BTBD9: variants seen among roughly 807,000 people sequenced by gnomAD.
BTBD9 encodes the protein BTB domain containing 9.
BTBD9 carries 49 observed loss-of-function variants against 64.3 expected under a neutral mutation model. The observed-to-expected ratio is 0.76, with a 90% confidence interval of 0.61 to 0.97. The LOEUF (loss-of-function observed/expected upper bound fraction) is 0.97. Among genes scored for constraint, BTBD9 ranks in the 50% least tolerant of loss-of-function variants. The pLI, the probability that BTBD9 is intolerant of heterozygous loss-of-function variation, is 0.00. For missense variants in BTBD9, 598 were observed against 762.1 expected, an observed-to-expected ratio of 0.78 and a Z score of 2.53; for synonymous variants, 260 against 274.7, an observed-to-expected ratio of 0.95 and a Z score of 0.53.
chr6:38,624,843 T>C (rs541073514), intron 1 of BTBD9, among the ~76,000 whole-genome samples: 1 of 152,294 alleles, frequency 6.6e-6, no homozygotes, highest in East Asian at 1.9e-4. Flanking sequence ...TTTCAAGAAT[T>C]AGTGTACCTA....
intron 6 of BTBD9, among the ~76,000 whole-genome samples, chr6:38,514,569 C>G (rs956389596): frequency 6.6e-6 from 1 of 152,150 alleles, no homozygotes; most frequent in African/African-American, 2.4e-5. Context: ...CATAAAATGT[C>G]ACTCATACCT....
chr6:38,435,451 G>T (rs1433082968), intron 6 of BTBD9, among the ~76,000 whole-genome samples: 5 of 151,450 alleles, frequency 3.3e-5, no homozygotes, highest in Non-Finnish European at 7.4e-5. Context: ...GTGAAAAAAA[G>T]AAAAAGAAAA....
chr6:38,375,338 T>C (rs1324879031), intron 6 of BTBD9, among the ~76,000 whole-genome samples: 1 of 152,202 alleles, frequency 6.6e-6, no homozygotes, highest in Non-Finnish European at 1.5e-5. Context: ...CAGCGTCAAA[T>C]ATTTACTAAG....
chr6:38,512,217 C>T lies in BTBD9; in HGVS notation c.1154+65383G>A, dbSNP rs148505808. On this transcript the variant is annotated intron_variant, in intron 6 of 10. Transcript: ENST00000481247. ...CAAACTCCCGATCTCAGGTGATCTGCCCGCCTCGGCCTCCCAAAGTGCTGA... is the reference window on the plus strand; with the variant it reads ...CAAACTCCCGATCTCAGGTGATCTGTCCGCCTCGGCCTCCCAAAGTGCTGA... 4.4e-3 allele frequency among the ~76,000 whole-genome samples: 665 copies of T among 152,122 alleles called. 9 individuals carry two copies. The highest frequency in any genetic ancestry group is 0.033 in the East Asian group (170 of 5,172).
intron 6 of BTBD9, among the ~76,000 whole-genome samples, chr6:38,508,268 C>A (rs938000796): frequency 2.0e-5 from 3 of 152,078 alleles, no homozygotes; most frequent in African/African-American, 7.2e-5. Context: ...TATCACCTTC[C>A]TCTGTCAAAT....
At chr6:38,375,364 T>C in intron 6 of BTBD9, among the ~76,000 whole-genome samples, 1 of 152,216 alleles carries the variant, frequency 6.6e-6, no homozygotes, top group East Asian at 1.9e-4. Flanking sequence ...ATAAAATGCA[T>C]GCTATTGTGT....
intron 6 of BTBD9, among the ~76,000 whole-genome samples, chr6:38,533,397 C>A (rs1297459762): frequency 2.6e-5 from 4 of 152,054 alleles, no homozygotes; most frequent in Non-Finnish European, 1.5e-5. Context: ...AACACTGGAG[C>A]ACTCAGATAT....
intron 6 of BTBD9, among the ~76,000 whole-genome samples, chr6:38,542,537 C>T (rs1162628641): frequency 1.3e-5 from 2 of 152,202 alleles, no homozygotes; most frequent in Non-Finnish European, 2.9e-5. Flanking sequence ...CAAAGTGCCA[C>T]CCATGAGATC....
intron 9 of BTBD9, among the ~76,000 whole-genome samples, chr6:38,249,408 GATATCTGGCTAATTTTTT>G (rs1200855805): frequency 3.3e-5 from 5 of 152,042 alleles, no homozygotes; most frequent in Non-Finnish European, 7.4e-5. Context: ...TGTGTGCCAT[GATATCTGGCTAATTTTTT>G]TTTCACATTT....
chr6:38,527,991 A>G (rs1037427588), intron 6 of BTBD9, among the ~76,000 whole-genome samples: 1 of 152,134 alleles, frequency 6.6e-6, no homozygotes, highest in Non-Finnish European at 1.5e-5. Flanking sequence ...ATAATATTAT[A>G]TTAAGGAAAG....
chr6:38,192,666 A>G, intron 9 of BTBD9, 69 bp from the exon 10 acceptor site: 1 of 1,401,866 alleles, frequency 7.1e-7, no homozygotes, highest in Non-Finnish European at 1.0e-6. Context: ...TGGCCGATGG[A>G]GTCATGTCCA....
intron 6 of BTBD9, among the ~76,000 whole-genome samples, chr6:38,359,220 G>A (rs1411755135): frequency 2.0e-5 from 3 of 152,180 alleles, no homozygotes; most frequent in Non-Finnish European, 4.4e-5. Context: ...CAGGATAGTT[G>A]CTCCTCCTAC....
At chr6:38,496,300 T>C (rs1039567428) in intron 6 of BTBD9, among the ~76,000 whole-genome samples, 17 of 152,274 alleles carry the variant, frequency 1.1e-4, no homozygotes, top group African/African-American at 4.1e-4. Flanking sequence ...GATTTGTAAG[T>C]TTATCAAAGA....
rs1023650141 is a variant in BTBD9, at chr6:38,486,814, C to T, written c.1154+90786G>A. ...ATAGGGCCAAAACACTTGTTGAACA[C>T]GGAGTTGCCATAACCTTCAGTTGGT... On this transcript the variant is annotated intron_variant, in intron 6 of 10. Transcript: ENST00000481247. Among the ~76,000 whole-genome samples, 7 of 152,194 alleles carry T rather than the reference C, an allele frequency of 4.6e-5. 1 individual carries two copies. The highest frequency in any genetic ancestry group is 2.0e-4 in the Admixed American group (3 of 15,286).
rs149438127 is a variant in BTBD9, at chr6:38,423,893, G to C, written c.1155-78800C>G. ...GCGACTATATTTTTAAGTAGTTCAC[G>C]ACAGGGCCCGTGCCATGTTCAGCTT... On this transcript the variant is annotated intron_variant, in intron 6 of 10. Coordinates refer to ENST00000481247, the MANE Select transcript of BTBD9 (RefSeq NM_001099272.2). 1.5e-3 allele frequency among the ~76,000 whole-genome samples: 229 copies of C among 151,004 alleles called. 7 individuals carry two copies. Among genetic ancestry groups the C allele is most frequent in the African/African-American group, 5.2e-3 (208 of 40,386 alleles).
intron 1 of BTBD9, among the ~76,000 whole-genome samples, chr6:38,606,740 A>T (rs1212899804): frequency 6.6e-6 from 1 of 152,220 alleles, no homozygotes; most frequent in African/African-American, 2.4e-5. Flanking sequence ...AGCCAGACAC[A>T]GTCCTAGCAT....
intron 9 of BTBD9, among the ~76,000 whole-genome samples, chr6:38,238,477 G>GTTTTT (rs59298777): frequency 7.2e-6 from 1 of 139,086 alleles, no homozygotes; most frequent in African/African-American, 2.7e-5. Flanking sequence ...AAGGTTTTTT[G>GTTTTT]TTTTTTTTTT....
chr6:38,416,018 C>T (rs918627736), intron 6 of BTBD9, among the ~76,000 whole-genome samples: 1 of 152,148 alleles, frequency 6.6e-6, no homozygotes. Flanking sequence ...ATCAAAACAT[C>T]GCTAAGGCAC....
chr6:38,222,853 G>A (rs1399038376), intron 9 of BTBD9, among the ~76,000 whole-genome samples: 14 of 152,110 alleles, frequency 9.2e-5, no homozygotes, highest in African/African-American at 3.4e-4. Context: ...TGTTCTTTCT[G>A]GCATCCTATT....
Sources: allele counts gnomAD v4.1 joint callset (sites outside exome capture counted in the v4.1 genomes callset), GRCh38; gene constraint gnomAD v4.1.1; transcripts MANE v1.5; gene names NCBI Gene and HGNC (gene_info 2026-07-23, HGNC 2026-07-21).